The following ARB2A variants were observed in gnomAD, a reference collection of about 807,000 sequenced individuals.
ARB2A encodes cotranscriptional regulator ARB2A.
At chr5:94,018,795 G>T in the ARB2A span, among the ~76,000 whole-genome samples, 1 of 151,604 alleles carries the variant, frequency 6.6e-6, no homozygotes, top group East Asian at 2.0e-4. Flanking sequence ...ATTCATCACA[G>T]AATTAGAAAA....
At chr5:93,800,275 T>C in the ARB2A span, among the ~76,000 whole-genome samples, 1 of 152,034 alleles carries the variant, frequency 6.6e-6, no homozygotes, top group Admixed American at 6.6e-5. Flanking sequence ...GTAAAACATA[T>C]GCTATGAAAA....
At chr5:93,635,349 T>C in the ARB2A span, among the ~76,000 whole-genome samples, 1 of 152,216 alleles carries the variant, frequency 6.6e-6, no homozygotes, top group Non-Finnish European at 1.5e-5. Flanking sequence ...CTAATTGTTT[T>C]AAAAGCCACT....
the ARB2A span, among the ~76,000 whole-genome samples, chr5:94,076,741 G>A: frequency 1.1e-4 from 17 of 152,260 alleles, no homozygotes; most frequent in Admixed American, 2.0e-4. Context: ...ATTCCACACA[G>A]CACCCTTTGC....
At chr5:93,680,792 C>T in the ARB2A span, among the ~76,000 whole-genome samples, 2 of 152,082 alleles carry the variant, frequency 1.3e-5, no homozygotes, top group Non-Finnish European at 2.9e-5. Context: ...AGGTAACATT[C>T]GGTTTCTGAT....
the ARB2A span, chr5:93,683,197 T>A: frequency 2.0e-5 from 26 of 1,307,868 alleles, no homozygotes; most frequent in East Asian, 4.6e-5. Context: ...CATCATCATC[T>A]TCATCATCAT....
chr5:93,664,148 A>C, the ARB2A span, among the ~76,000 whole-genome samples: 2 of 151,770 alleles, frequency 1.3e-5, no homozygotes, highest in South Asian at 4.2e-4. Context: ...TGGTATGATC[A>C]TAGCTCAATG....
the ARB2A span, among the ~76,000 whole-genome samples, chr5:93,852,474 T>C: frequency 2.0e-4 from 30 of 152,282 alleles, no homozygotes; most frequent in African/African-American, 6.7e-4. Context: ...TCCCATTTGT[T>C]AATTTTGGCT....
At chr5:93,834,450 A>G in the ARB2A span, among the ~76,000 whole-genome samples, 1 of 152,202 alleles carries the variant, frequency 6.6e-6, no homozygotes, top group Non-Finnish European at 1.5e-5. Flanking sequence ...AAAACAAAAT[A>G]TAAGGGAGAT....
At chr5:93,772,503 G>T in the ARB2A span, among the ~76,000 whole-genome samples, 12 of 152,076 alleles carry the variant, frequency 7.9e-5, no homozygotes, top group African/African-American at 2.9e-4. Flanking sequence ...TAAGCCTGTT[G>T]CATTAATTAT....
At chr5:93,644,432 C>A in the ARB2A span, among the ~76,000 whole-genome samples, 2 of 152,114 alleles carry the variant, frequency 1.3e-5, no homozygotes, top group Admixed American at 6.5e-5. Flanking sequence ...ATTTTACACA[C>A]ACACACACCC....
the ARB2A span, among the ~76,000 whole-genome samples, chr5:94,052,573 A>T: frequency 6.6e-6 from 1 of 152,214 alleles, no homozygotes; most frequent in African/African-American, 2.4e-5. Context: ...AGGGTGTATT[A>T]CACATGATTC....
the ARB2A span, among the ~76,000 whole-genome samples, chr5:93,658,461 C>T: frequency 2.5e-4 from 38 of 152,018 alleles, no homozygotes; most frequent in African/African-American, 5.3e-4. Flanking sequence ...GTTTCTTTGA[C>T]GAGAATCTGT....
chr5:93,908,626 C>T, the ARB2A span, among the ~76,000 whole-genome samples: 1 of 148,332 alleles, frequency 6.7e-6, no homozygotes, highest in Non-Finnish European at 1.5e-5. Flanking sequence ...TTAGATAATA[C>T]TCACGTTAAC....
chr5:93,644,258 C>CT, the ARB2A span, among the ~76,000 whole-genome samples: 7 of 152,284 alleles, frequency 4.6e-5, no homozygotes, highest in South Asian at 1.0e-3. Context: ...AGTGTGATTG[C>CT]TTACTTCTTT....
At chr5:94,084,290 A>G in the ARB2A span, among the ~76,000 whole-genome samples, 46 of 151,386 alleles carry the variant, frequency 3.0e-4, no homozygotes, top group East Asian at 1.9e-3. Flanking sequence ...AAAAAAAAAA[A>G]AAAGAAAAGA....
chr5:94,042,786 T>C, the ARB2A span, among the ~76,000 whole-genome samples: 29 of 152,314 alleles, frequency 1.9e-4, no homozygotes, highest in Middle Eastern at 0.014. Context: ...ATAAAAGTCA[T>C]ACAGGAAGTA....
At chr5:93,863,790 A>T in the ARB2A span, 1 of 152,136 alleles carries the variant, frequency 6.6e-6, no homozygotes, top group Non-Finnish European at 1.5e-5. Context: ...TATCACTTAA[A>T]ATTATCCATT....
chr5:93,766,362 T>A, the ARB2A span, among the ~76,000 whole-genome samples: 2 of 151,896 alleles, frequency 1.3e-5, no homozygotes, highest in Non-Finnish European at 2.9e-5. Context: ...AACAACCCCA[T>A]CAATAAGTGG....
At chr5:93,901,950 C>T in the ARB2A span, among the ~76,000 whole-genome samples, 8 of 151,990 alleles carry the variant, frequency 5.3e-5, no homozygotes, top group African/African-American at 1.7e-4. Context: ...ATTAACAAAA[C>T]TAGTTAAGTG....
Sources: gnomAD v4.1 joint callset for allele counts (sites outside exome capture counted in the v4.1 genomes callset) on GRCh38, gnomAD v4.1.1 for gene constraint, MANE v1.5 for transcripts, NCBI Gene and HGNC (gene_info 2026-07-23, HGNC 2026-07-21) for gene names.